Variants in RIC1 observed in about 807,000 individuals in gnomAD.
RIC1 encodes RIC1 partner of RAB6A GEF complex, also known as guanine nucleotide exchange factor subunit RIC1.
In RIC1, 88 loss-of-function variants were observed where a neutral mutation model predicts 169.0. That is an observed-to-expected ratio of 0.52 (90% confidence interval 0.44 to 0.62). RIC1 has a LOEUF of 0.62. Ranked by LOEUF, RIC1 falls within the 20% of genes least tolerant of loss-of-function variation. RIC1 has a pLI of 0.00. For missense variants in RIC1, 1,877 were observed against 1,725.5 expected (o/e 1.09, Z -1.56); for synonymous variants, 790 against 601.5 (o/e 1.31, Z -4.59).
intron 8 of RIC1, among the ~76,000 whole-genome samples, chr9:5,739,828 C>G (rs1482723840): frequency 6.0e-5 from 9 of 150,908 alleles, no homozygotes; most frequent in African/African-American, 2.2e-4. Context: ...TCAGGGTCCT[C>G]CCACACATCC....
At chr9:5,770,035 T>A in intron 22 of RIC1, 52 bp from the exon 23 acceptor site, 1 of 1,451,740 alleles carries the variant, frequency 6.9e-7, no homozygotes, top group Non-Finnish European at 9.3e-7. Flanking sequence ...AATGTCAGTG[T>A]GTGCATCTTC....
rs143133702 is a variant in RIC1 at position 5,720,194 on chromosome 9, G to C, written c.453G>C (p.Val151=). 509 of 1,611,950 alleles carry C rather than the reference G, an allele frequency of 3.2e-4. 2 individuals are homozygous for C. The Middle Eastern group carries it at 3.8e-3, about 12-fold the overall frequency. Residue 151 remains valine, a synonymous_variant, in exon 5 of 26, where the codon GTG becomes GTC. Coordinates refer to ENST00000414202, the MANE Select transcript of RIC1 (RefSeq NM_020829.4). ...LQAPIMSLQS[V]LEDLLVATSD... is the part of the protein sequence containing the mutation. The stretch of plus-strand genomic sequence containing the variant: ...ATTCTACCTACAGTTTGCAGTCTGT[G>C]TTGGAAGATCTCCTGGTTGCTACTT...
At chr9:5,711,026 A>C (rs1822898838) in intron 3 of RIC1, among the ~76,000 whole-genome samples, 1 of 152,208 alleles carries the variant, frequency 6.6e-6, no homozygotes, top group Non-Finnish European at 1.5e-5. Flanking sequence ...AATTTCCTAG[A>C]GTTTAAACTA....
At chr9:5,740,780 C>T (rs1030763156) in intron 8 of RIC1, among the ~76,000 whole-genome samples, 12 of 152,206 alleles carry the variant, frequency 7.9e-5, no homozygotes, top group Admixed American at 7.9e-4. Flanking sequence ...ATGTTAATCT[C>T]CTTTGGCAGC....
At chr9:5,702,232 T>C (rs1328663092) in intron 3 of RIC1, among the ~76,000 whole-genome samples, 2 of 152,224 alleles carry the variant, frequency 1.3e-5, no homozygotes, top group African/African-American at 4.8e-5. Flanking sequence ...AGTGTATTAT[T>C]GAGGAATTCT....
chr9:5,647,920 TTGTG>T (rs1207869669), intron 1 of RIC1, among the ~76,000 whole-genome samples: 4 of 144,470 alleles, frequency 2.8e-5, no homozygotes, highest in Non-Finnish European at 4.5e-5. Flanking sequence ...TGTTTTTTGT[TTGTG>T]TGTGTGGGGG....
chr9:5,671,350 C>T (rs377341466), intron 2 of RIC1, among the ~76,000 whole-genome samples: 3 of 151,484 alleles, frequency 2.0e-5, no homozygotes, highest in African/African-American at 7.3e-5. Flanking sequence ...TCTCTGCTCA[C>T]TGCAACCTCC....
chr9:5,665,421 T>G (rs1036114464), intron 2 of RIC1, among the ~76,000 whole-genome samples: 2 of 152,214 alleles, frequency 1.3e-5, no homozygotes, highest in African/African-American at 4.8e-5. Flanking sequence ...GTTACCCACC[T>G]TCCAAAGCCT....
chr9:5,757,103 A>G (rs1475390208), intron 16 of RIC1, among the ~76,000 whole-genome samples: 2 of 151,382 alleles, frequency 1.3e-5, no homozygotes, highest in African/African-American at 4.9e-5. Flanking sequence ...CCTATTTGTT[A>G]CTCCCTTTCT....
intron 17 of RIC1, among the ~76,000 whole-genome samples, chr9:5,760,533 T>C (rs1298195773): frequency 2.0e-5 from 3 of 152,178 alleles, no homozygotes; most frequent in South Asian, 4.1e-4. Context: ...TTAAGGTCTT[T>C]TGAAGTGTTT....
chr9:5,640,145 C>T (rs563263068), intron 1 of RIC1, among the ~76,000 whole-genome samples: 2 of 152,230 alleles, frequency 1.3e-5, no homozygotes, highest in East Asian at 1.9e-4. Context: ...TTCGTTCTTT[C>T]TTTACTTGCT....
chr9:5,683,838 G>A (rs983792904), intron 2 of RIC1, among the ~76,000 whole-genome samples: 1 of 152,196 alleles, frequency 6.6e-6, no homozygotes, highest in African/African-American at 2.4e-5. Flanking sequence ...TCAAGCCTCG[G>A]GAATGGCGGG....
chr9:5,773,810 T>C, intron 25 of RIC1, 148 bp from the exon 26 acceptor site: 1 of 704,930 alleles, frequency 1.4e-6, no homozygotes, highest in South Asian at 2.4e-5. Context: ...CCAAGAAGCC[T>C]TTCCTCCCTA....
intron 3 of RIC1, among the ~76,000 whole-genome samples, chr9:5,692,202 T>A (rs1232487986): frequency 6.6e-6 from 1 of 152,102 alleles, no homozygotes; most frequent in Non-Finnish European, 1.5e-5. Flanking sequence ...GATACAGGCT[T>A]TGGTGTCAGA....
chr9:5,637,851 C>T (rs541737501), intron 1 of RIC1, among the ~76,000 whole-genome samples: 2 of 152,222 alleles, frequency 1.3e-5, no homozygotes, highest in African/African-American at 4.8e-5. Context: ...TTTCTTTATC[C>T]ATCCATCTGT....
At chr9:5,671,587 A>C (rs763616916) in intron 2 of RIC1, among the ~76,000 whole-genome samples, 5 of 152,206 alleles carry the variant, frequency 3.3e-5, no homozygotes, top group Non-Finnish European at 7.3e-5. Context: ...GTATTATTTT[A>C]TATCATAATG....
chr9:5,716,347 C>T (rs1050883652), intron 4 of RIC1, among the ~76,000 whole-genome samples: 1 of 152,100 alleles, frequency 6.6e-6, no homozygotes, highest in Non-Finnish European at 1.5e-5. Flanking sequence ...GTGGCTCATG[C>T]CTATAATCCC....
intron 2 of RIC1, among the ~76,000 whole-genome samples, chr9:5,663,609 T>C (rs1170910227): frequency 6.6e-6 from 1 of 152,198 alleles, no homozygotes; most frequent in East Asian, 1.9e-4. Context: ...TAAAGTCTGT[T>C]TTGTGAGAAA....
chr9:5,640,007 G>T (rs1818162690), intron 1 of RIC1, among the ~76,000 whole-genome samples: 2 of 152,142 alleles, frequency 1.3e-5, no homozygotes, highest in African/African-American at 4.8e-5. Flanking sequence ...AGTGGATCTT[G>T]TTTTTTCATC....
Sources: gnomAD v4.1 joint callset for allele counts (sites outside exome capture counted in the v4.1 genomes callset) on GRCh38, gnomAD v4.1.1 for gene constraint, MANE v1.5 for transcripts, NCBI Gene and HGNC (gene_info 2026-07-23, HGNC 2026-07-21) for gene names.